Variants in USP36 observed in about 807,000 individuals in gnomAD.
The protein encoded by USP36 is ubiquitin carboxyl-terminal hydrolase 36.
In USP36, 59 loss-of-function variants were observed where a neutral mutation model predicts 111.5. That is an observed-to-expected ratio of 0.53 (90% confidence interval 0.43 to 0.66). The LOEUF (loss-of-function observed/expected upper bound fraction) is 0.66, where lower values mean the gene tolerates loss of function less well. Ranked by LOEUF, USP36 falls within the 30% of genes least tolerant of loss-of-function variation. USP36 has a pLI of 0.00. For missense variants in USP36, 1,488 were observed against 1,468.0 expected (o/e 1.01, Z -0.22); for synonymous variants, 628 against 581.0 (o/e 1.08, Z -1.16).
chr17:78,799,750 G>T lies in USP36; in HGVS notation c.3041C>A (p.Pro1014His). 1 of 1,608,646 alleles carries T rather than the reference G, an allele frequency of 6.2e-7. No homozygotes were observed. The highest frequency in any genetic ancestry group is 8.5e-7 in the Non-Finnish European group (1 of 1,178,090). ...CTCCCGCTCTCCATTCCAAGACACA[G>T]GAGGGGCCTGGCTCAGCCCTGCAAT... ...GDRMGLSQAP[P>H]VSWNGERESD... The change falls in exon 18 of 21, where the codon CCT (proline) becomes CAT (histidine). Residue 1014 changes from proline (P) to histidine (H), a missense_variant. By Grantham distance (77) the Pro-to-His change is moderately conservative. Transcript: ENST00000449938.
chr17:78,839,661 T>C lies in USP36; in HGVS notation c.-173-911A>G, dbSNP rs560361252. Among the ~76,000 whole-genome samples, 20 of 152,318 alleles carry C rather than the reference T, an allele frequency of 1.3e-4. No homozygotes were observed. The South Asian group carries it at 3.9e-3, about 30-fold the overall frequency. On this transcript the variant is annotated intron_variant, in intron 1 of 20. Transcript: ENST00000449938. ...ACTCCTTAATGTAGATGCAGAGATT[T>C]TGAACACAATTTTTCAAGTGGGACA...
chr17:78,840,466 GC>G (rs1167277371), intron 1 of USP36: 3 of 152,448 alleles, frequency 2.0e-5, no homozygotes, highest in Non-Finnish European at 4.4e-5. Context: ...CCGGCCCGGA[GC>G]CCGGGGGACG....
rs2094342081 is a variant in USP36 at position 78,822,019 on chromosome 17, C to T, written c.690-15G>A. On this transcript the variant is annotated splice_polypyrimidine_tract_variant and intron_variant, in intron 6 of 20. Transcript: ENST00000449938. ...GACGATCCAACCTGAAAAGGAGACC[C>T]CAGCCTTTAAGGGAAGGGCTCAGCA... is the stretch of plus-strand genomic sequence containing the variant. 4 of 1,613,920 alleles carry T rather than the reference C, an allele frequency of 2.5e-6. No homozygotes were observed. In the African/African-American group the frequency reaches 5.3e-5, roughly 22 times the overall value.
At chr17:78,814,082 T>C (rs1599028182) in intron 11 of USP36, among the ~76,000 whole-genome samples, 1 of 152,202 alleles carries the variant, frequency 6.6e-6, no homozygotes, top group African/African-American at 2.4e-5. Context: ...AGTTCCTTCC[T>C]AGTGCCCCAA....
chr17:78,828,223 G>A (rs1291107845), intron 5 of USP36, among the ~76,000 whole-genome samples: 2 of 152,146 alleles, frequency 1.3e-5, no homozygotes, highest in Non-Finnish European at 2.9e-5. Context: ...CAAACAAAAA[G>A]AATGTAAAAT....
In USP36 at chr17:78,798,999, G is replaced by A. The variant is rs368745771; in HGVS notation, c.3149C>T (p.Ser1050Leu). ...RKVLTWDGKM[S>L]AVSQDAIEDS... ...TTCAATAGCATCCTGACTGACCGCC[G>A]ACATCTTGCCATCCCAGGTCAGAAC... Residue 1050 changes from serine to leucine, a missense_variant, in exon 19 of 21, where the codon TCG becomes TTG. Physicochemically the swap from Ser to Leu is moderately radical, Grantham distance 145. Transcript: ENST00000449938. This position sits in a 1 kb window ranked among gnomAD's most constrained non-coding sequence, Gnocchi z 5.1. 1.4e-5 allele frequency: 23 copies of A among 1,613,916 alleles called. No individual in the cohort carries two copies. The highest frequency in any genetic ancestry group is 1.6e-4 in the Middle Eastern group (1 of 6,084).
chr17:78,798,995 C>T lies in USP36; in HGVS notation c.3153G>A (p.Ala1051=), dbSNP rs1402144789. 1.5e-5 allele frequency: 25 copies of T among 1,613,978 alleles called. No homozygotes were observed. Among genetic ancestry groups the T allele is most frequent in the East Asian group, 2.2e-5 (1 of 44,892 alleles). The stretch of plus-strand genomic sequence containing the variant: ...TGTCTTCAATAGCATCCTGACTGAC[C>T]GCCGACATCTTGCCATCCCAGGTCA... ...KVLTWDGKMS[A]VSQDAIEDSR... The change falls in exon 19 of 21, where the codon GCG becomes GCA. Residue 1051 remains alanine (A), a synonymous_variant. Transcript: ENST00000449938. This position sits in a 1 kb window ranked among gnomAD's most constrained non-coding sequence, Gnocchi z 5.1.
At chr17:78,813,906 A>T (rs1599027709) in intron 11 of USP36, 33 bp from the exon 12 acceptor site, 8 of 1,586,488 alleles carry the variant, frequency 5.0e-6, no homozygotes, top group Non-Finnish European at 6.9e-6. Context: ...AGAAAACAAA[A>T]CAATCAACAA....
rs1411761772 is a variant in USP36 at position 78,827,428 on chromosome 17, C to G, written c.587-81G>C. 3 of 1,374,560 alleles carry G rather than the reference C, an allele frequency of 2.2e-6. No homozygotes were observed. The African/African-American group carries it at 4.3e-5, about 20-fold the overall frequency. 85.1% of individuals were successfully genotyped at this position (1,374,560 alleles called of 1,614,324 possible). A position where few individuals can be genotyped will look rare whatever the true frequency, so the allele number is the denominator to read the frequency against. The stretch of plus-strand genomic sequence containing the variant: ...GCGGCTGCTTTCCTGAATGGCCATT[C>G]CTGGCTGTTATAAGGGGAAAATACT... On this transcript the variant is annotated intron_variant, in intron 5 of 20. Transcript: ENST00000449938.
intron 6 of USP36, chr17:78,826,802 C>T: frequency 2.7e-6 from 1 of 376,724 alleles, no homozygotes. Flanking sequence ...TTAAAGCTCC[C>T]TGTTTGTACA....
At chr17:78,822,984 G>A (rs1463282506) in intron 6 of USP36, 25 of 396,428 alleles carry the variant, frequency 6.3e-5, no homozygotes, top group Non-Finnish European at 8.4e-5. Flanking sequence ...GGCACAAAGC[G>A]GGGCTGTTTC....
rs1444951043 is a variant in USP36, at chr17:78,807,388, C to T, written c.1656G>A (p.Gly552=). 1 of 1,614,192 alleles carries T rather than the reference C, an allele frequency of 6.2e-7. No individual in the cohort carries two copies. The highest frequency in any genetic ancestry group is 8.5e-7 in the Non-Finnish European group (1 of 1,180,028). Residue 552 remains glycine (G), a synonymous_variant, in exon 14 of 21, where the codon GGG becomes GGA. Transcript: ENST00000449938. ...PQHFSPRTAQ[G]LPGTSNSNSS... is the part of the protein sequence containing the mutation. The stretch of plus-strand genomic sequence containing the variant: ...TATTCGAGTTGCTGGTCCCAGGCAG[C>T]CCCTGAGCAGTTCTGGGGGAAAAGT...
Position 78,803,932 on chromosome 17 carries a change from A to AGGGGGGGGGGGGGGCGGAG in USP36, c.2262_2263insCTCCGCCCCCCCCCCCCCC (p.Phe755LeufsTer55). The AGGGGGGGGGGGGGGCGGAG allele has an allele frequency of 7.8e-7, 1 of 1,274,870 alleles. No individual in the cohort carries two copies. The allele number at this position is 1,274,870 out of a possible 1,614,324, so 79.0% of individuals were successfully genotyped here. A position where few individuals can be genotyped will look rare whatever the true frequency, so the allele number is the denominator to read the frequency against. ...GACAGCAATGTGGGGTGGGGGCTGA[A>AGGGGGGGGGGGGGGCGGAG]GGGGGGTTGCAGGCGGCTGGATGAT... On this transcript the variant is annotated frameshift_variant, in exon 16 of 21. Coordinates refer to ENST00000449938, the MANE Select transcript of USP36 (RefSeq NM_001385174.1). LOFTEE classifies it high-confidence loss of function. The surrounding 1 kb of genome is among the most constrained non-coding windows in gnomAD (Gnocchi z 4.6).
At chr17:78,799,519 G>A (rs1350975195) in intron 18 of USP36, 148 bp downstream of exon 18, 3 of 713,538 alleles carry the variant, frequency 4.2e-6, no homozygotes, top group Non-Finnish European at 7.1e-6. Flanking sequence ...GAGGACTCCA[G>A]CCAGTGTTGA....
intron 4 of USP36, among the ~76,000 whole-genome samples, chr17:78,829,712 C>T (rs1473989617): frequency 1.3e-5 from 2 of 152,190 alleles, no homozygotes; most frequent in South Asian, 4.1e-4. Context: ...CCCTGCGCTA[C>T]ATAAAACGCC....
chr17:78,796,693 A>T lies in USP36; in HGVS notation c.*1207T>A, dbSNP rs1329562964. 1 of 152,328 alleles carries T rather than the reference A, an allele frequency of 6.6e-6. No individual in the cohort carries two copies. The allele number at this position is 152,328 out of a possible 1,614,324, so 9.4% of individuals were successfully genotyped here. On this transcript the variant is annotated 3_prime_UTR_variant, in exon 21 of 21. Transcript: ENST00000449938. ...AGACAGCGAGGCAGCCACCCGGGACAGCAGGATGCCTCTGGCCCAGCAGAG... is the reference window on the plus strand; with the variant it reads ...AGACAGCGAGGCAGCCACCCGGGACTGCAGGATGCCTCTGGCCCAGCAGAG...
rs901031487 is a variant in USP36 at position 78,807,636 on chromosome 17, G to A, written c.1408C>T (p.Arg470Ter). Residue 470 changes from arginine to a stop codon, truncating the protein, a stop_gained and splice_region_variant, in exon 14 of 21, where the codon CGA (arginine) becomes TGA (stop). Coordinates refer to ENST00000449938, the MANE Select transcript of USP36 (RefSeq NM_001385174.1). LOFTEE classifies it high-confidence loss of function. ...GIISSPLTGKRQDSGTMKKPH... is the reference protein window; with the variant it reads ...GIISSPLTGK The stretch of plus-strand genomic sequence containing the variant: ...TTCTTCATCGTCCCAGAGTCTTGTC[G>A]CTAAGGAGACCAAAGCAGAAAACAC... The A allele has an allele frequency of 4.6e-6, 7 of 1,519,792 alleles. No homozygotes were observed. Among genetic ancestry groups the A allele is most frequent in the East Asian group, 4.5e-5 (2 of 43,974 alleles). 94.1% of individuals were successfully genotyped at this position (1,519,792 alleles called of 1,614,324 possible). A position where few individuals can be genotyped will look rare whatever the true frequency, so the allele number is the denominator to read the frequency against.
chr17:78,802,609 T>G, intron 16 of USP36, 74 bp from the exon 17 acceptor site: 1 of 1,435,098 alleles, frequency 7.0e-7, no homozygotes, highest in Non-Finnish European at 9.4e-7. Context: ...GACACCCGCC[T>G]GCAACATGGA....
rs766566497 is a variant in USP36 at position 78,803,673 on chromosome 17, T to A, written c.2522A>T (p.His841Leu). ...CTTCTTCTTCCTCTTCCTCTTCCCG[T>A]GGGGAGCCGCAGTGGCCTCCCTGAT... ...QHIREATAAPHGKRKRKKKKR... is the reference protein window; with the variant it reads ...QHIREATAAPLGKRKRKKKKR... The change falls in exon 16 of 21, where the codon CAC (histidine) becomes CTC (leucine). Residue 841 changes from histidine to leucine, a missense_variant. Physicochemically the swap from His to Leu is moderately conservative, Grantham distance 99. This residue lies in a region of USP36 where 1,073 missense variants were observed against 994.1 expected (regional missense o/e 1.08). Transcript: ENST00000449938. The surrounding 1 kb of genome is among the most constrained non-coding windows in gnomAD (Gnocchi z 4.6). The A allele has an allele frequency of 6.2e-7, 1 of 1,609,900 alleles. No individual in the cohort carries two copies. The highest frequency in any genetic ancestry group is 8.5e-7 in the Non-Finnish European group (1 of 1,179,190).
Sources: allele counts gnomAD v4.1 joint callset (sites outside exome capture counted in the v4.1 genomes callset), GRCh38; gene constraint gnomAD v4.1.1; regional missense constraint gnomAD v4.1.1; non-coding constraint Gnocchi (gnomAD v3.1); transcripts MANE v1.5; gene names NCBI Gene and HGNC (gene_info 2026-07-23, HGNC 2026-07-21).